The following ARB2A variants were observed in gnomAD, a reference collection of about 807,000 sequenced individuals.
ARB2A encodes cotranscriptional regulator ARB2A.
chr5:93,790,856 G>A, the ARB2A span, among the ~76,000 whole-genome samples: 1 of 152,142 alleles, frequency 6.6e-6, no homozygotes, highest in East Asian at 1.9e-4. Context: ...AATTAGACGT[G>A]CTTAGATTTT....
the ARB2A span, among the ~76,000 whole-genome samples, chr5:94,106,747 C>A: frequency 1.3e-5 from 2 of 151,330 alleles, no homozygotes; most frequent in Admixed American, 1.3e-4. Context: ...CAACAGTGGA[C>A]TGAACAAAGA....
the ARB2A span, among the ~76,000 whole-genome samples, chr5:94,083,599 G>C: frequency 6.6e-6 from 1 of 152,036 alleles, no homozygotes; most frequent in African/African-American, 2.4e-5. Flanking sequence ...TGAAATATTT[G>C]TAAAAGTCTC....
the ARB2A span, among the ~76,000 whole-genome samples, chr5:94,045,383 T>TG: frequency 6.6e-6 from 1 of 152,114 alleles, no homozygotes; most frequent in South Asian, 2.1e-4. Flanking sequence ...AACGCTCTCT[T>TG]GGGGTCTCGA....
At chr5:93,994,541 G>A in the ARB2A span, among the ~76,000 whole-genome samples, 10 of 152,104 alleles carry the variant, frequency 6.6e-5, no homozygotes, top group Non-Finnish European at 1.2e-4. Flanking sequence ...GGTGTTCAAC[G>A]GGTACATATA....
chr5:93,825,983 T>C, the ARB2A span, among the ~76,000 whole-genome samples: 11 of 152,110 alleles, frequency 7.2e-5, no homozygotes, highest in African/African-American at 2.6e-4. Context: ...ATTTTTGGAA[T>C]TGGGAAAAAA....
chr5:93,822,994 G>A, the ARB2A span, among the ~76,000 whole-genome samples: 1 of 152,032 alleles, frequency 6.6e-6, no homozygotes, highest in East Asian at 1.9e-4. Flanking sequence ...AAAAGGTCAC[G>A]GAAATATATT....
chr5:93,928,994 A>C, the ARB2A span, among the ~76,000 whole-genome samples: 1 of 146,622 alleles, frequency 6.8e-6, no homozygotes, highest in Non-Finnish European at 1.5e-5. Context: ...TAAAGTCTAC[A>C]AAAAAAAAAG....
the ARB2A span, among the ~76,000 whole-genome samples, chr5:93,873,151 G>T: frequency 1.3e-5 from 2 of 152,008 alleles, no homozygotes; most frequent in African/African-American, 4.8e-5. Flanking sequence ...TGTGCGTCAG[G>T]TGTGGTGGCA....
At chr5:93,760,403 C>A in the ARB2A span, among the ~76,000 whole-genome samples, 2 of 152,036 alleles carry the variant, frequency 1.3e-5, no homozygotes, top group South Asian at 4.1e-4. Context: ...AAAAACAATT[C>A]TAAAATTCAT....
chr5:94,015,747 AT>A, the ARB2A span, among the ~76,000 whole-genome samples: 2 of 152,030 alleles, frequency 1.3e-5, no homozygotes, highest in African/African-American at 4.8e-5. Context: ...TTGCTATAAG[AT>A]TTTTTTTGTA....
At chr5:93,706,121 A>G in the ARB2A span, among the ~76,000 whole-genome samples, 1 of 152,250 alleles carries the variant, frequency 6.6e-6, no homozygotes, top group East Asian at 1.9e-4. Flanking sequence ...GATTCATAGT[A>G]GCCAAAAAGT....
At chr5:94,052,683 G>A in the ARB2A span, among the ~76,000 whole-genome samples, 1 of 152,134 alleles carries the variant, frequency 6.6e-6, no homozygotes, top group African/African-American at 2.4e-5. Flanking sequence ...TTTAAAACAA[G>A]GATGTTGCCT....
At chr5:93,825,142 G>C in the ARB2A span, among the ~76,000 whole-genome samples, 7 of 152,180 alleles carry the variant, frequency 4.6e-5, no homozygotes, top group African/African-American at 1.4e-4. Flanking sequence ...ATGTGTTCTT[G>C]TCTGCAGCTG....
At chr5:93,840,366 T>C in the ARB2A span, among the ~76,000 whole-genome samples, 1 of 152,132 alleles carries the variant, frequency 6.6e-6, no homozygotes, top group Non-Finnish European at 1.5e-5. Context: ...ACGATAAATA[T>C]TCAGAACCAT....
chr5:93,901,217 AT>A, the ARB2A span, among the ~76,000 whole-genome samples: 1 of 152,202 alleles, frequency 6.6e-6, no homozygotes. Flanking sequence ...CATGAACAAA[AT>A]TTTTTAAAAT....
At chr5:93,950,530 C>T in the ARB2A span, among the ~76,000 whole-genome samples, 15 of 152,092 alleles carry the variant, frequency 9.9e-5, no homozygotes, top group Admixed American at 3.9e-4. Context: ...GTAATCCCAA[C>T]GACTCGGGAG....
chr5:93,643,632 T>C, the ARB2A span, among the ~76,000 whole-genome samples: 1 of 152,120 alleles, frequency 6.6e-6, no homozygotes, highest in Non-Finnish European at 1.5e-5. Context: ...GTAGCTGGGA[T>C]TACAGGCATG....
the ARB2A span, among the ~76,000 whole-genome samples, chr5:94,042,493 G>A: frequency 6.6e-6 from 1 of 151,914 alleles, no homozygotes; most frequent in Non-Finnish European, 1.5e-5. Context: ...TTTTAGTAGA[G>A]ATGGGTTTTC....
chr5:93,851,189 A>T, the ARB2A span, among the ~76,000 whole-genome samples: 1 of 152,202 alleles, frequency 6.6e-6, no homozygotes, highest in Non-Finnish European at 1.5e-5. Flanking sequence ...ATGCTTAGCA[A>T]AGTAGCTCAT....
Sources: gnomAD v4.1 joint callset for allele counts (sites outside exome capture counted in the v4.1 genomes callset) on GRCh38, gnomAD v4.1.1 for gene constraint, MANE v1.5 for transcripts, NCBI Gene and HGNC (gene_info 2026-07-23, HGNC 2026-07-21) for gene names.